FAT3: variants seen among roughly 807,000 people sequenced by gnomAD.
FAT3 encodes the protein FAT atypical cadherin 3, also known as protocadherin Fat 3.
A neutral mutation model predicts 310.2 loss-of-function variants in FAT3; 95 were observed. The ratio of observed to expected loss-of-function variants is 0.31; its 90% CI spans 0.26 to 0.36. The LOEUF is 0.36. Among genes scored for constraint, FAT3 ranks in the 10% least tolerant of loss-of-function variants. The pLI is 1.00. For missense variants in FAT3, 5,408 were observed against 5,715.6 expected, an observed-to-expected ratio of 0.95 and a Z score of 1.74; for synonymous variants, 2,314 against 2,192.9, an observed-to-expected ratio of 1.06 and a Z score of -1.54.
intron 1 of FAT3, among the ~76,000 whole-genome samples, chr11:92,270,171 T>C (rs964519592): frequency 6.6e-6 from 1 of 152,134 alleles, no homozygotes; most frequent in Non-Finnish European, 1.5e-5. Flanking sequence ...ACTTCCATCT[T>C]CTTAAAATAC....
At chr11:92,407,275 T>C (rs1950155394) in intron 2 of FAT3, among the ~76,000 whole-genome samples, 1 of 152,102 alleles carries the variant, frequency 6.6e-6, no homozygotes, top group Admixed American at 6.6e-5. Context: ...TTATTCCCCA[T>C]TGTGATGGAG....
At chr11:92,372,721 C>T (rs529774886) in intron 2 of FAT3, among the ~76,000 whole-genome samples, 3 of 152,044 alleles carry the variant, frequency 2.0e-5, no homozygotes, top group South Asian at 2.1e-4. Context: ...TGTGCAGTGG[C>T]GCGATCTCGG....
At chr11:92,768,951 A>T (rs1354105146) in intron 6 of FAT3, among the ~76,000 whole-genome samples, 2 of 152,174 alleles carry the variant, frequency 1.3e-5, no homozygotes, top group African/African-American at 4.8e-5. Context: ...TAACTAATAA[A>T]TTCTCATTAA....
At chr11:92,495,961 T>C (rs2135254068) in intron 2 of FAT3, among the ~76,000 whole-genome samples, 1 of 152,216 alleles carries the variant, frequency 6.6e-6, no homozygotes, top group East Asian at 1.9e-4. Flanking sequence ...CTATTTATTT[T>C]GGTAACCTGC....
chr11:92,266,525 TATTA>T (rs1325742527), intron 1 of FAT3, among the ~76,000 whole-genome samples: 2 of 152,200 alleles, frequency 1.3e-5, no homozygotes, highest in African/African-American at 2.4e-5. Context: ...TCATTCCTTT[TATTA>T]ATTCTAGCGG....
At chr11:92,465,227 A>T (rs1391243151) in intron 2 of FAT3, among the ~76,000 whole-genome samples, 1 of 152,222 alleles carries the variant, frequency 6.6e-6, no homozygotes, top group Non-Finnish European at 1.5e-5. Context: ...ATTGAAAGCT[A>T]ATGGAATTGC....
chr11:92,727,726 T>A (rs1353880025), intron 4 of FAT3, among the ~76,000 whole-genome samples: 1 of 152,144 alleles, frequency 6.6e-6, no homozygotes. Context: ...GGGTCCTTTA[T>A]GTTTTCCTCA....
At chr11:92,782,809 C>T (rs1190595617) in intron 7 of FAT3, among the ~76,000 whole-genome samples, 1 of 152,102 alleles carries the variant, frequency 6.6e-6, no homozygotes, top group African/African-American at 2.4e-5. Flanking sequence ...TTCATTCTTC[C>T]TCTCTCATCT....
intron 2 of FAT3, among the ~76,000 whole-genome samples, chr11:92,491,590 T>C (rs1450314373): frequency 1.3e-5 from 2 of 152,106 alleles, no homozygotes; most frequent in Non-Finnish European, 2.9e-5. Flanking sequence ...TAGTGCTGTA[T>C]ATGTAGGAAT....
intron 1 of FAT3, among the ~76,000 whole-genome samples, chr11:92,308,855 TA>T (rs533143417): frequency 3.3e-4 from 49 of 148,850 alleles, no homozygotes; most frequent in Admixed American, 2.2e-3. Flanking sequence ...ACAAAGGAAA[TA>T]AAAAAAAAAT....
In FAT3 at chr11:92,599,504, A is replaced by G. The variant is rs139905939; in HGVS notation, c.3607+74556A>G. Among the ~76,000 whole-genome samples, 52 of 152,276 alleles carry G rather than the reference A, an allele frequency of 3.4e-4. No homozygotes were observed. The East Asian group carries it at 8.2e-3, about 24-fold the overall frequency. The stretch of plus-strand genomic sequence containing the variant: ...ATTTAGGCAGAGACACAGCCAAACC[A>G]TATCAGACACAGCCAAGCCATATCA... On this transcript the variant is annotated intron_variant, in intron 3 of 27. Coordinates refer to ENST00000525166, the MANE Select transcript of FAT3 (RefSeq NM_001367949.2).
At chr11:92,313,160 G>A (rs1947352825) in intron 1 of FAT3, among the ~76,000 whole-genome samples, 1 of 152,170 alleles carries the variant, frequency 6.6e-6, no homozygotes, top group Non-Finnish European at 1.5e-5. Context: ...AACAAATGCT[G>A]TATTTGCTTA....
intron 3 of FAT3, among the ~76,000 whole-genome samples, chr11:92,668,137 T>A (rs996129367): frequency 6.6e-6 from 1 of 152,200 alleles, no homozygotes; most frequent in Non-Finnish European, 1.5e-5. Flanking sequence ...GAAGGCAAGA[T>A]ACCAAAGTTG....
At chr11:92,838,975 C>T (rs1266554240) in intron 17 of FAT3, among the ~76,000 whole-genome samples, 1 of 152,120 alleles carries the variant, frequency 6.6e-6, no homozygotes. Flanking sequence ...ACTCCTGCTT[C>T]CCCAGAGCTT....
In FAT3 at chr11:92,652,397, A is replaced by G. The variant is rs1030124852; in HGVS notation, c.3608-44987A>G. 7.9e-5 allele frequency among the ~76,000 whole-genome samples: 12 copies of G among 152,370 alleles called. No homozygotes were observed. The South Asian group carries it at 1.2e-3, about 16-fold the overall frequency. ...AATATTTAATTTCACTGTTCTTTTA[A>G]GGCCATAAAACTGACTTGCTTTTAA... On this transcript the variant is annotated intron_variant, in intron 3 of 27. Coordinates refer to ENST00000525166, the MANE Select transcript of FAT3 (RefSeq NM_001367949.2).
chr11:92,872,568 A>T (rs940765224), intron 22 of FAT3, among the ~76,000 whole-genome samples: 4 of 152,270 alleles, frequency 2.6e-5, no homozygotes, highest in Non-Finnish European at 5.9e-5. Context: ...TCATGGTAAC[A>T]GCATTAATAA....
chr11:92,579,724 G>T (rs1441668345), intron 3 of FAT3, among the ~76,000 whole-genome samples: 1 of 152,020 alleles, frequency 6.6e-6, no homozygotes, highest in African/African-American at 2.4e-5. Flanking sequence ...CAGAATTCTG[G>T]CTGCCTTAGC....
chr11:92,534,900 AG>A (rs1954202471), intron 3 of FAT3, among the ~76,000 whole-genome samples: 1 of 152,174 alleles, frequency 6.6e-6, no homozygotes, highest in Non-Finnish European at 1.5e-5. Context: ...TTTTACGTTT[AG>A]GTTTGATGAA....
At chr11:92,418,599 G>A (rs890913426) in intron 2 of FAT3, among the ~76,000 whole-genome samples, 4 of 151,950 alleles carry the variant, frequency 2.6e-5, no homozygotes, top group Admixed American at 2.0e-4. Context: ...TACTTACAGT[G>A]AGTCTGCCTC....
Sources: gnomAD v4.1 joint callset for allele counts (sites outside exome capture counted in the v4.1 genomes callset) on GRCh38, gnomAD v4.1.1 for gene constraint, MANE v1.5 for transcripts, NCBI Gene and HGNC (gene_info 2026-07-23, HGNC 2026-07-21) for gene names.